Variants in C4orf50 observed in about 807,000 individuals in gnomAD.
C4orf50 encodes the protein uncharacterized protein C4orf50.
Under a neutral mutation model 77.2 loss-of-function variants are expected in C4orf50, and 80 were observed. The observed-to-expected ratio is 1.04, with a 90% CI of 0.87 to 1.25. The LOEUF (loss-of-function observed/expected upper bound fraction) is 1.25. Among genes scored for constraint, C4orf50 ranks in the 50% most tolerant of loss-of-function variants. C4orf50 has a pLI of 0.00. For missense variants in C4orf50, 1,257 were observed against 1,152.9 expected (o/e 1.09, Z -1.31); for synonymous variants, 532 against 465.3 (o/e 1.14, Z -1.84).
intron 27 of C4orf50, 139 bp from the exon 6 acceptor site, chr4:5,990,963 G>A (rs145104230): frequency 3.8e-5 from 15 of 397,692 alleles, no homozygotes; most frequent in African/African-American, 1.4e-4. Context: ...ACAGGACACA[G>A]CTGGTACCGC....
intron 33 of C4orf50, 35 bp from the exon 12 acceptor site, chr4:5,959,661 T>C: frequency 1.3e-6 from 2 of 1,580,962 alleles, no homozygotes; most frequent in South Asian, 2.3e-5. Context: ...GGTCTCTGCG[T>C]CCACATGTTT....
At chr4:5,942,367 G>A (rs1718305360) in intron 7 of C4orf50, among the ~76,000 whole-genome samples, 2 of 152,180 alleles carry the variant, frequency 1.3e-5, no homozygotes, top group Non-Finnish European at 2.9e-5. Flanking sequence ...ATCCCTGTAT[G>A]ACTTGGCAAG....
At chr4:5,965,083 A>T in exon 33 of C4orf50, 1 of 1,613,746 alleles carries the variant, frequency 6.2e-7, no homozygotes, top group Non-Finnish European at 8.5e-7. Context: ...ATAGGCCAGG[A>T]CTCTGAAGAC....
At chr4:5,982,082 A>G (rs1394717403) in intron 28 of C4orf50, among the ~76,000 whole-genome samples, 1 of 152,278 alleles carries the variant, frequency 6.6e-6, no homozygotes, top group East Asian at 1.9e-4. Flanking sequence ...TATACACGAC[A>G]TGGGCCTGAG....
At chr4:5,998,992 G>A (rs1020825154) in intron 25 of C4orf50, among the ~76,000 whole-genome samples, 1 of 152,186 alleles carries the variant, frequency 6.6e-6, no homozygotes, top group Admixed American at 6.5e-5. Context: ...AAGGTTCCAA[G>A]TAACTTGCTC....
intron 7 of C4orf50, among the ~76,000 whole-genome samples, chr4:5,946,350 C>T (rs925657398): frequency 6.6e-6 from 1 of 152,208 alleles, no homozygotes; most frequent in Non-Finnish European, 1.5e-5. Context: ...CTTCAATGCA[C>T]CCCCTGTGCT....
In C4orf50 at chr4:6,011,217, T is replaced by C. The variant is rs1722481019; in HGVS notation, c.426+613A>G. Among the ~76,000 whole-genome samples the C allele has an allele frequency of 1.3e-5, 2 of 152,184 alleles. No homozygotes were observed. Among genetic ancestry groups the C allele is most frequent in the South Asian group, 2.1e-4 (1 of 4,836 alleles). On this transcript the variant is annotated intron_variant, in intron 24 of 33. Transcript: ENST00000531445. The surrounding 1 kb of genome is among the most constrained non-coding windows in gnomAD (Gnocchi z 4.2). ...AAGTCCCCTAAAGCTTGTTCCCCAT[T>C]GTATTCAGAATTGGGCCATGCAGCG...
intron 31 of C4orf50, among the ~76,000 whole-genome samples, chr4:5,969,583 G>T (rs921358966): frequency 1.3e-5 from 2 of 151,952 alleles, no homozygotes; most frequent in African/African-American, 4.8e-5. Context: ...GCTCCCAGGG[G>T]AGCAAAACTG....
chr4:5,962,580 C>A (rs1560566889), intron 33 of C4orf50, among the ~76,000 whole-genome samples: 2 of 152,214 alleles, frequency 1.3e-5, no homozygotes, highest in Non-Finnish European at 2.9e-5. Flanking sequence ...CCTCTCAACC[C>A]CGCCCCCATC....
rs150478922 is a variant in C4orf50, at chr4:5,940,131, A to G, written c.*2474+16770T>C. 9.1e-3 allele frequency among the ~76,000 whole-genome samples: 1,382 copies of G among 152,246 alleles called. 23 individuals are homozygous for G. Among genetic ancestry groups the G allele is most frequent in the African/African-American group, 0.031 (1,298 of 41,542 alleles). Reference sequence around the variant, plus strand: ...TATTTGGCCACCCAACTCAGCATAAATTTCTGTTCTCTTTGTCCCTCACTG... The same window carrying G: ...TATTTGGCCACCCAACTCAGCATAAGTTTCTGTTCTCTTTGTCCCTCACTG... On this transcript the variant is annotated intron_variant, in intron 7 of 7. Coordinates refer to the C4orf50 transcript ENST00000324058.
intron 28 of C4orf50, among the ~76,000 whole-genome samples, chr4:5,981,499 G>A (rs934248577): frequency 6.6e-6 from 1 of 150,382 alleles, no homozygotes; most frequent in Admixed American, 6.7e-5. Context: ...CCGCCTCCCA[G>A]GTTCAAGCGA....
At position 6,000,915 on chromosome 4, in the gene C4orf50, G is replaced by T. The variant is rs1721802201; in HGVS notation, c.964-6439C>A. 6.6e-6 allele frequency among the ~76,000 whole-genome samples: 1 copy of T among 152,218 alleles called. No individual in the cohort carries two copies. Among genetic ancestry groups the T allele is most frequent in the African/African-American group, 2.4e-5 (1 of 41,458 alleles). On this transcript the variant is annotated intron_variant, in intron 25 of 33. Transcript: ENST00000531445. The surrounding 1 kb of genome is among the most constrained non-coding windows in gnomAD (Gnocchi z 6.0). ...TTAAAACCCATATCCCCAAAGGGAT[G>T]TTATTAGGAAGCGGTGCTGAGTCCC... is the stretch of plus-strand genomic sequence containing the variant.
downstream of C4orf50, among the ~76,000 whole-genome samples, chr4:5,953,285 G>A (rs564542006): frequency 1.4e-3 from 220 of 152,288 alleles, 1 homozygote; most frequent in Non-Finnish European, 2.4e-3. Context: ...AAGAATGGCT[G>A]GGAGTCACTG....
At chr4:5,994,976 T>A (rs535029362) in intron 25 of C4orf50, among the ~76,000 whole-genome samples, 1 of 152,346 alleles carries the variant, frequency 6.6e-6, no homozygotes, top group South Asian at 2.1e-4. Context: ...GTGCTCCTTA[T>A]GAAAATCTAA....
At position 5,975,968 on chromosome 4, in the gene C4orf50, C is replaced by T. The variant is rs116338352; in HGVS notation, c.3865-13G>A. 5.6e-3 allele frequency: 8,952 copies of T among 1,612,592 alleles called. 35 individuals carry two copies. The highest frequency in any genetic ancestry group is 6.6e-3 in the Non-Finnish European group (7,748 of 1,178,644). On this transcript the variant is annotated splice_polypyrimidine_tract_variant and intron_variant, in intron 29 of 33. Coordinates refer to ENST00000531445, the Ensembl canonical transcript of C4orf50. ...GAAGTTCTTCAAGCTGAAATAAAAG[C>T]GACATTTTTGACAACACTGCACTGT...
chr4:5,938,280 T>C (rs1300261249), intron 7 of C4orf50, among the ~76,000 whole-genome samples: 1 of 151,930 alleles, frequency 6.6e-6, no homozygotes. Flanking sequence ...ATACAGAAAA[T>C]CCCACATATT....
chr4:5,941,488 CTA>C (rs1718263046), intron 7 of C4orf50, among the ~76,000 whole-genome samples: 1 of 152,206 alleles, frequency 6.6e-6, no homozygotes, highest in Non-Finnish European at 1.5e-5. Flanking sequence ...ATCCTCCTAA[CTA>C]TTCCCTGGTA....
chr4:6,009,670 C>T lies in C4orf50; in HGVS notation c.427-1138G>A, dbSNP rs141540045. Among the ~76,000 whole-genome samples, 105 of 152,310 alleles carry T rather than the reference C, an allele frequency of 6.9e-4. No individual in the cohort carries two copies. Among genetic ancestry groups the T allele is most frequent in the African/African-American group, 2.3e-3 (95 of 41,556 alleles). ...AGGCATCTTCATATGCAAATGCTTA[C>T]TGGAAACATTGGCAGCAACAAAGCA... is the stretch of plus-strand genomic sequence containing the variant. On this transcript the variant is annotated intron_variant, in intron 24 of 33. Coordinates refer to ENST00000531445, the Ensembl canonical transcript of C4orf50. This position sits in a 1 kb window ranked among gnomAD's most constrained non-coding sequence, Gnocchi z 5.6.
chr4:5,924,874 G>A (rs769528737), intron 7 of C4orf50, among the ~76,000 whole-genome samples: 7 of 152,212 alleles, frequency 4.6e-5, no homozygotes, highest in Non-Finnish European at 1.0e-4. Flanking sequence ...CAGAGGGTCC[G>A]GAGCTTAGCA....
Sources: allele counts gnomAD v4.1 joint callset (sites outside exome capture counted in the v4.1 genomes callset), GRCh38; gene constraint gnomAD v4.1.1; non-coding constraint Gnocchi (gnomAD v3.1); transcripts MANE v1.5; gene names NCBI Gene and HGNC (gene_info 2026-07-23, HGNC 2026-07-21).